POLN: variants seen among roughly 807,000 people sequenced by gnomAD.
POLN encodes DNA polymerase nu, also known as DNA polymerase N.
A neutral mutation model predicts 113.5 loss-of-function variants in POLN; 108 were observed. The observed-to-expected ratio is 0.95, with a 90% CI of 0.81 to 1.12. POLN has a LOEUF of 1.12. POLN is among the 50% of genes most tolerant of loss of function. The pLI, the probability that POLN is intolerant of heterozygous loss-of-function variation, is 0.00. For missense variants in POLN, 1,097 were observed against 1,077.1 expected (o/e 1.02, Z -0.26); for synonymous variants, 386 against 391.5 (o/e 0.99, Z 0.17).
At position 2,124,115 on chromosome 4, in the gene POLN, T is replaced by G. The variant is rs567148999; in HGVS notation, c.1982+3998A>C. ...TACAAAAGGTTCCATGTTGTACAAT[T>G]TCATTAATGTGAAGTGTCCAGAATA... is the stretch of plus-strand genomic sequence containing the variant. On this transcript the variant is annotated intron_variant, in intron 19 of 25. Transcript: ENST00000511885. 9.2e-5 allele frequency among the ~76,000 whole-genome samples: 14 copies of G among 152,228 alleles called. No homozygotes were observed. The South Asian group carries it at 2.5e-3, about 27-fold the overall frequency.
chr4:2,234,481 G>C (rs373124955), intron 2 of POLN: 1 of 153,672 alleles, frequency 6.5e-6, no homozygotes, highest in Non-Finnish European at 1.5e-5. Context: ...ACAAAGGCAC[G>C]TTTCCTGGGA....
intron 2 of POLN, chr4:2,232,307 A>G (rs779926025): frequency 1.9e-5 from 9 of 482,112 alleles, no homozygotes; most frequent in Admixed American, 4.1e-5. Flanking sequence ...TTTAAAATCC[A>G]TAACAGGTTT....
In POLN at chr4:2,090,840, A is replaced by C. The variant is rs73799503; in HGVS notation, c.2065+5011T>G. Reference sequence around the variant, plus strand: ...AAGTCTGTCCCATTCATGCATAGTTAGGGGTCAGCCAAGGATCTGAGCAGA... The same window carrying C: ...AAGTCTGTCCCATTCATGCATAGTTCGGGGTCAGCCAAGGATCTGAGCAGA... On this transcript the variant is annotated intron_variant, in intron 20 of 25. Coordinates refer to ENST00000511885, the MANE Select transcript of POLN (RefSeq NM_181808.4). Among the ~76,000 whole-genome samples, 939 of 152,330 alleles carry C rather than the reference A, an allele frequency of 6.2e-3. 16 individuals are homozygous for C. The highest frequency in any genetic ancestry group is 0.022 in the African/African-American group (910 of 41,560).
Position 2,171,124 on chromosome 4 carries a change from T to C in POLN, c.1432A>G (p.Ile478Val), listed in dbSNP as rs1732850063. 6.2e-7 allele frequency: 1 copy of C among 1,613,620 alleles called. No homozygotes were observed. Among genetic ancestry groups the C allele is most frequent in the African/African-American group, 1.3e-5 (1 of 74,926 alleles). Reference protein sequence around the residue: ...AHFVAGERFLITSNNQLREIL... With the variant: ...AHFVAGERFLVTSNNQLREIL... ...TCTCGAAGCTGGTTATTGCTCGTTA[T>C]AAGAAACCGTTCTCCTGCAACAAAA... The change falls in exon 12 of 26, where the codon ATA (isoleucine) becomes GTA (valine). Residue 478 changes from isoleucine to valine, a missense_variant. By Grantham distance (29) the Ile-to-Val change is conservative (BLOSUM62 3). Transcript: ENST00000511885.
intron 19 of POLN, among the ~76,000 whole-genome samples, chr4:2,121,403 C>T (rs1171538827): frequency 6.7e-6 from 1 of 149,510 alleles, no homozygotes. Context: ...CCACTACACT[C>T]CAGCCTGGGT....
In POLN at chr4:2,079,734, G is replaced by A. The variant is rs182322225; in HGVS notation, c.2387+1224C>T. 591 of 722,010 alleles carry A rather than the reference G, an allele frequency of 8.2e-4. 1 individual carries two copies. The highest frequency in any genetic ancestry group is 9.6e-4 in the Non-Finnish European group (567 of 589,566). The allele number at this position is 722,010 out of a possible 1,614,324, so 44.7% of individuals were successfully genotyped here. On this transcript the variant is annotated intron_variant, in intron 23 of 25. Transcript: ENST00000511885. ...TGAGTAGCTGGGATTACAGGTGTGC[G>A]CCACCACACCTGGCTAATTTTTGTA...
intron 19 of POLN, among the ~76,000 whole-genome samples, chr4:2,096,638 C>T (rs1034770287): frequency 6.6e-6 from 1 of 150,518 alleles, no homozygotes; most frequent in East Asian, 1.9e-4. Context: ...ATCATCTACA[C>T]CAGGCCTCCC....
Position 2,127,327 on chromosome 4 carries a change from A to T in POLN, c.1982+786T>A, listed in dbSNP as rs1449779150. 6.6e-6 allele frequency among the ~76,000 whole-genome samples: 1 copy of T among 152,008 alleles called. No individual in the cohort carries two copies. Among genetic ancestry groups the T allele is most frequent in the Non-Finnish European group, 1.5e-5 (1 of 67,980 alleles). On this transcript the variant is annotated intron_variant, in intron 19 of 25. Coordinates refer to ENST00000511885, the MANE Select transcript of POLN (RefSeq NM_181808.4). The surrounding 1 kb of genome is among the most constrained non-coding windows in gnomAD (Gnocchi z 4.7). ...GGCACTGATGCACCCGGCCCGGTGA[A>T]CACCTGTGATGTATAAGCCAAACAC...
intron 19 of POLN, among the ~76,000 whole-genome samples, chr4:2,098,356 C>T (rs913056213): frequency 6.6e-5 from 10 of 152,134 alleles, no homozygotes; most frequent in East Asian, 1.9e-4. Context: ...GAGGTTGAGG[C>T]TGCAGTGAGC....
At chr4:2,095,812 A>G (rs1256082482) in intron 20 of POLN, 39 bp downstream of exon 20, 2 of 1,573,836 alleles carry the variant, frequency 1.3e-6, no homozygotes, top group Non-Finnish European at 1.7e-6. Context: ...GCCAGCTTAC[A>G]GGTAACCCCG....
At chr4:2,153,206 A>G (rs1467732328) in intron 16 of POLN, among the ~76,000 whole-genome samples, 1 of 152,236 alleles carries the variant, frequency 6.6e-6, no homozygotes, top group Non-Finnish European at 1.5e-5. Context: ...AAATCTGTAA[A>G]ATAAATAATG....
At chr4:2,225,839 C>G (rs998853101) in intron 3 of POLN, among the ~76,000 whole-genome samples, 28 of 151,426 alleles carry the variant, frequency 1.8e-4, no homozygotes, top group Middle Eastern at 3.2e-3. Context: ...CGTCTCCACA[C>G]AAAAATAAAA....
Position 2,079,304 on chromosome 4 carries a change from G to A in POLN, c.2387+1654C>T, listed in dbSNP as rs573200868. 25 of 621,832 alleles carry A rather than the reference G, an allele frequency of 4.0e-5. No individual in the cohort carries two copies. In the South Asian group the frequency reaches 1.6e-3, roughly 39 times the overall value. 38.5% of individuals were successfully genotyped at this position (621,832 alleles called of 1,614,324 possible). ...TTTGGCTTTCAGTTCCTGCCAAGACGGAAACTAGCACAAGCTGCTCATATC... is the reference window on the plus strand; with the variant it reads ...TTTGGCTTTCAGTTCCTGCCAAGACAGAAACTAGCACAAGCTGCTCATATC... On this transcript the variant is annotated intron_variant, in intron 23 of 25. Coordinates refer to ENST00000511885, the MANE Select transcript of POLN (RefSeq NM_181808.4).
chr4:2,238,728 C>G (rs1267723135), intron 2 of POLN: 1 of 1,613,664 alleles, frequency 6.2e-7, no homozygotes, highest in South Asian at 1.1e-5. Flanking sequence ...AGTTCTTGAA[C>G]CAAATTTTCA....
chr4:2,158,432 T>C (rs1289113688), intron 14 of POLN, among the ~76,000 whole-genome samples: 1 of 152,212 alleles, frequency 6.6e-6, no homozygotes, highest in Admixed American at 6.5e-5. Context: ...CTATTAATTC[T>C]AGAATCATTC....
At chr4:2,106,018 G>A (rs1346358939) in intron 19 of POLN, among the ~76,000 whole-genome samples, 1 of 151,982 alleles carries the variant, frequency 6.6e-6, no homozygotes. Flanking sequence ...CACTCTTATT[G>A]AGCAAACTCA....
rs143607052 is a variant in POLN, at chr4:2,232,082, C to T, written c.-12-2839G>A. ...GCCAAAGTTTTTCTTTTTGTCTTCA[C>T]ATCAGCAAGAATATCAGTGAGGAGA... On this transcript the variant is annotated intron_variant, in intron 2 of 25. Coordinates refer to ENST00000511885, the MANE Select transcript of POLN (RefSeq NM_181808.4). 1.8e-4 allele frequency: 296 copies of T among 1,603,182 alleles called. 1 individual carries two copies. The highest frequency in any genetic ancestry group is 4.3e-4 in the African/African-American group (32 of 74,552).
At chr4:2,198,457 G>A (rs1228924346) in intron 6 of POLN, 67 bp downstream of exon 6, 2 of 1,375,702 alleles carry the variant, frequency 1.5e-6, no homozygotes, top group Non-Finnish European at 1.9e-6. Context: ...TGGACCTTGA[G>A]CAAGTTTCCA....
At chr4:2,156,967 A>G in intron 15 of POLN, 114 bp from the exon 16 acceptor site, 1 of 840,948 alleles carries the variant, frequency 1.2e-6, no homozygotes, top group Non-Finnish European at 2.0e-6. Flanking sequence ...AGAGGCCAAC[A>G]AGCTGCTGGC....
Sources: allele counts gnomAD v4.1 joint callset (sites outside exome capture counted in the v4.1 genomes callset), GRCh38; gene constraint gnomAD v4.1.1; non-coding constraint Gnocchi (gnomAD v3.1); transcripts MANE v1.5; gene names NCBI Gene and HGNC (gene_info 2026-07-23, HGNC 2026-07-21).